BTNL2: variants seen among roughly 807,000 people sequenced by gnomAD.
BTNL2 encodes the protein butyrophilin-like protein 2.
In BTNL2, 46 loss-of-function variants were observed where a neutral mutation model predicts 46.8. The ratio of observed to expected loss-of-function variants is 0.98; its 90% CI spans 0.78 to 1.26. The LOEUF (loss-of-function observed/expected upper bound fraction) is 1.26. BTNL2 is among the 50% of genes most tolerant of loss of function. The probability of loss-of-function intolerance (pLI) is 0.00; values close to 1 mark genes in which losing one functional copy is unlikely to be tolerated. For missense variants in BTNL2, 461 were observed against 592.6 expected, an observed-to-expected ratio of 0.78 and a Z score of 2.31; for synonymous variants, 226 against 229.1, an observed-to-expected ratio of 0.99 and a Z score of 0.12.
chr6:32,402,827 C>T (rs1026814659), intron 3 of BTNL2, 108 bp downstream of exon 3: 25 of 1,160,732 alleles, frequency 2.2e-5, no homozygotes, highest in Non-Finnish European at 2.9e-5. Context: ...ATACATATTG[C>T]TATATGATAG....
At chr6:32,397,030 C>G (rs1461396600) in intron 4 of BTNL2, among the ~76,000 whole-genome samples, 1 of 151,952 alleles carries the variant, frequency 6.6e-6, no homozygotes, top group African/African-American at 2.4e-5. Context: ...TAAATTTGGC[C>G]CCAGATGCCT....
Position 32,394,446 on chromosome 6 carries a change from T to C in BTNL2, c.1360+298A>G, listed in dbSNP as rs1269450544. ...CACAAAGTTCTGTAATTTAATTGTT[T>C]TCACATCAGAAGAAGAGAATTTAAA... On this transcript the variant is annotated intron_variant, in intron 6 of 7. Coordinates refer to ENST00000454136, the MANE Select transcript of BTNL2 (RefSeq NM_001304561.2). This position sits in a 1 kb window ranked among gnomAD's most constrained non-coding sequence, Gnocchi z 4.6. 6.6e-6 allele frequency among the ~76,000 whole-genome samples: 1 copy of C among 151,384 alleles called. No homozygotes were observed. The highest frequency in any genetic ancestry group is 2.1e-4 in the South Asian group (1 of 4,750).
Position 32,396,990 on chromosome 6 carries a change from A to AACAAGCAAGCAAACAAAC in BTNL2, c.731-605_731-604insGTTTGTTTGCTTGCTTGT, listed in dbSNP as rs374711376. Among the ~76,000 whole-genome samples the AACAAGCAAGCAAACAAAC allele has an allele frequency of 6.6e-6, 1 of 152,072 alleles. No individual in the cohort carries two copies. The highest frequency in any genetic ancestry group is 6.5e-5 in the Admixed American group (1 of 15,286). On this transcript the variant is annotated intron_variant, in intron 4 of 7. Coordinates refer to ENST00000454136, the MANE Select transcript of BTNL2 (RefSeq NM_001304561.2). This position sits in a 1 kb window ranked among gnomAD's most constrained non-coding sequence, Gnocchi z 4.4. ...GCGAGACTTTAAAAACAAACAAACA[A>AACAAGCAAGCAAACAAAC]AAAACACCCAGAATAAAGTGAACAG...
At chr6:32,406,308 A>G (rs565464995) in intron 1 of BTNL2, 2 of 152,484 alleles carry the variant, frequency 1.3e-5, no homozygotes, top group South Asian at 2.1e-4. Context: ...CTGCAGCACA[A>G]GCACAGAGAA....
At chr6:32,402,823 A>T (rs1776863160) in intron 3 of BTNL2, 112 bp downstream of exon 3, 1 of 1,130,716 alleles carries the variant, frequency 8.8e-7, no homozygotes, top group South Asian at 1.6e-5. Context: ...TTCAATACAT[A>T]TTGCTATATG....
chr6:32,405,274 A>C lies in BTNL2; in HGVS notation c.92T>G (p.Val31Gly). The C allele has an allele frequency of 2.5e-6, 4 of 1,612,982 alleles. No individual in the cohort carries two copies. The highest frequency in any genetic ancestry group is 3.4e-6 in the Non-Finnish European group (4 of 1,180,016). The change falls in exon 2 of 8, where the codon GTC becomes GGC. Residue 31 changes from valine (V) to glycine (G), a missense_variant. Val to Gly is a moderately radical substitution (Grantham distance 109, BLOSUM62 -3). Transcript: ENST00000454136. The part of the protein sequence containing the change: ...LTMKQSEDFR[V>G]IGPAHPILAG... ...CAGGATAGGATGAGCAGGGCCAATG[A>C]CTCTAAAGTCTTCTATAAAATAAGT...
intron 4 of BTNL2, among the ~76,000 whole-genome samples, chr6:32,397,690 T>C (rs117181287): frequency 0.011 from 1,710 of 151,982 alleles, 66 homozygotes; most frequent in South Asian, 0.099. Context: ...ATAGTTTGCA[T>C]TAAGTGCCTG....
In BTNL2 at chr6:32,405,289, A is replaced by G. The variant is rs1777063902; in HGVS notation, c.80-3T>C. 2.5e-6 allele frequency: 4 copies of G among 1,612,754 alleles called. No homozygotes were observed. The highest frequency in any genetic ancestry group is 3.4e-6 in the Non-Finnish European group (4 of 1,179,818). ...AGGGCCAATGACTCTAAAGTCTTCT[A>G]TAAAATAAGTGAAAAAGAGGAACGA... On this transcript the variant is annotated splice_polypyrimidine_tract_variant and splice_region_variant and intron_variant, in intron 1 of 7. Transcript: ENST00000454136.
intron 1 of BTNL2, 121 bp from the exon 2 acceptor site, chr6:32,405,407 G>GC: frequency 1.1e-6 from 1 of 935,986 alleles, no homozygotes; most frequent in Non-Finnish European, 1.7e-6. Flanking sequence ...TATGTTTAAT[G>GC]TTTTAGAGAA....
Position 32,394,967 on chromosome 6 carries a change from C to G in BTNL2, c.1137G>C (p.Pro379=), listed in dbSNP as rs115403026. ...VEGQEDGEMQ[P]MCSSDGWFPQ... is the part of the protein sequence containing the mutation. ...GGAACCACCCATCTGAAGAGCACAT[C>G]GGCTGCATTTCTCCATCTTCTTGCC... Residue 379 remains proline (P), a synonymous_variant, in exon 6 of 8, where the codon CCG becomes CCC. Coordinates refer to ENST00000454136, the MANE Select transcript of BTNL2 (RefSeq NM_001304561.2). This position sits in a 1 kb window ranked among gnomAD's most constrained non-coding sequence, Gnocchi z 4.6. The G allele has an allele frequency of 4.3e-6, 7 of 1,613,472 alleles. No homozygotes were observed. In the South Asian group the frequency reaches 7.7e-5, roughly 18 times the overall value.
intron 3 of BTNL2, 110 bp downstream of exon 3, chr6:32,402,825 T>G (rs2150319106): frequency 2.6e-6 from 3 of 1,138,576 alleles, no homozygotes; most frequent in Non-Finnish European, 3.7e-6. Context: ...CAATACATAT[T>G]GCTATATGAT....
Position 32,393,995 on chromosome 6 carries a change from C to T in BTNL2, c.1423G>A (p.Val475Ile). ...LVWGLLLAVAVGLPRKRS is the reference protein window; with the variant it reads ...LVWGLLLAVAIGLPRKRS ...CAGCTCCTCTTCCTGGGCAGGCCTA[C>T]AGCCACAGCAAGAAGCAATCCCCAA... is the stretch of plus-strand genomic sequence containing the variant. The change falls in exon 7 of 8, where the codon GTA (valine) becomes ATA (isoleucine). Residue 475 changes from valine (V) to isoleucine (I), a missense_variant. By Grantham distance (29) the Val-to-Ile change is conservative. Transcript: ENST00000454136. The surrounding 1 kb of genome is among the most constrained non-coding windows in gnomAD (Gnocchi z 4.8). 1 of 1,550,232 alleles carries T rather than the reference C, an allele frequency of 6.5e-7. No homozygotes were observed. The highest frequency in any genetic ancestry group is 8.7e-7 in the Non-Finnish European group (1 of 1,146,738).
At position 32,394,678 on chromosome 6, in the gene BTNL2, T is replaced by A; in HGVS notation, c.1360+66A>T. On this transcript the variant is annotated intron_variant, in intron 6 of 7. Coordinates refer to ENST00000454136, the MANE Select transcript of BTNL2 (RefSeq NM_001304561.2). The surrounding 1 kb of genome is among the most constrained non-coding windows in gnomAD (Gnocchi z 4.6). ...TCACAAAGGAAGAAGAGCAATACAA[T>A]GAGTAAGTCTGAGTTGGTCTTCATA... is the stretch of plus-strand genomic sequence containing the variant. The A allele has an allele frequency of 6.7e-7, 1 of 1,493,380 alleles. No homozygotes were observed. The highest frequency in any genetic ancestry group is 9.1e-7 in the Non-Finnish European group (1 of 1,094,870). 92.5% of individuals were successfully genotyped at this position (1,493,380 alleles called of 1,614,324 possible). A position where few individuals can be genotyped will look rare whatever the true frequency, so the allele number is the denominator to read the frequency against.
At chr6:32,398,222 G>A (rs947151442) in intron 4 of BTNL2, among the ~76,000 whole-genome samples, 2 of 152,114 alleles carry the variant, frequency 1.3e-5, no homozygotes, top group African/African-American at 4.8e-5. Context: ...TTTTGCATAA[G>A]GTGTGATCAT....
At position 32,396,101 on chromosome 6, in the gene BTNL2, T is replaced by TA; in HGVS notation, c.1015dup (p.Tyr339LeufsTer6). On this transcript the variant is annotated frameshift_variant, in exon 5 of 8. Coordinates refer to ENST00000454136, the MANE Select transcript of BTNL2 (RefSeq NM_001304561.2). LOFTEE classifies it high-confidence loss of function. This position sits in a 1 kb window ranked among gnomAD's most constrained non-coding sequence, Gnocchi z 4.4. The stretch of plus-strand genomic sequence containing the variant: ...ATCATCTTTTTCAAAAAGGCAGCGG[T>TA]ACTGCCCGTCGTCCGAAGGTCTGGC... The TA allele has an allele frequency of 6.2e-7, 1 of 1,613,102 alleles. No homozygotes were observed. Among genetic ancestry groups the TA allele is most frequent in the East Asian group, 2.2e-5 (1 of 44,886 alleles).
In BTNL2 at chr6:32,403,080, C is replaced by T. The variant is rs142404581; in HGVS notation, c.564G>A (p.Val188=). The part of the protein sequence containing the change: ...EDIRGEKLLA[V]SEHRIQDKDG... ...CTTTATCTTGGATGCGATGCTCAGA[C>T]ACGGCCAGCAGCTTCTCTCCCCGGA... Residue 188 remains valine (V), a synonymous_variant, in exon 3 of 8, where the codon GTG becomes GTA. Transcript: ENST00000454136. 1 of 1,612,926 alleles carries T rather than the reference C, an allele frequency of 6.2e-7. No individual in the cohort carries two copies. The highest frequency in any genetic ancestry group is 8.5e-7 in the Non-Finnish European group (1 of 1,179,944).
rs899994096 is a variant in BTNL2, at chr6:32,397,085, C to T, written c.731-699G>A. Among the ~76,000 whole-genome samples the T allele has an allele frequency of 4.0e-5, 6 of 151,662 alleles. No individual in the cohort carries two copies. In the East Asian group the frequency reaches 9.7e-4, roughly 25 times the overall value. The stretch of plus-strand genomic sequence containing the variant: ...TAACAAACTGCAATTTAACTTAGTA[C>T]GTCAACTACTGAAAGCCTAACTTAG... On this transcript the variant is annotated intron_variant, in intron 4 of 7. Coordinates refer to ENST00000454136, the MANE Select transcript of BTNL2 (RefSeq NM_001304561.2).
At chr6:32,405,397 T>A in intron 1 of BTNL2, 111 bp from the exon 2 acceptor site, 1 of 970,138 alleles carries the variant, frequency 1.0e-6, no homozygotes, top group Non-Finnish European at 1.6e-6. Context: ...GGGAGAGATA[T>A]ATGTTTAATG....
rs201508459 is a variant in BTNL2 at position 32,393,678 on chromosome 6, TTTC to T, written c.*6+282_*6+284del. On this transcript the variant is annotated intron_variant, in intron 7 of 7. Coordinates refer to ENST00000454136, the MANE Select transcript of BTNL2 (RefSeq NM_001304561.2). This position sits in a 1 kb window ranked among gnomAD's most constrained non-coding sequence, Gnocchi z 4.8. ...CAAGGATGGCTGTACTACTCACTTT[TTTC>T]TTCTTCTTCCCTAACCAGATCACTG... The T allele has an allele frequency of 0.099, 24,956 of 252,196 alleles. 1,704 individuals are homozygous for T. The highest frequency in any genetic ancestry group is 0.12 in the African/African-American group (5,536 of 44,550). The allele number at this position is 252,196 out of a possible 1,614,324, so 15.6% of individuals were successfully genotyped here.
Sources: allele counts gnomAD v4.1 joint callset (sites outside exome capture counted in the v4.1 genomes callset), GRCh38; gene constraint gnomAD v4.1.1; non-coding constraint Gnocchi (gnomAD v3.1); transcripts MANE v1.5; gene names NCBI Gene and HGNC (gene_info 2026-07-23, HGNC 2026-07-21).